Variants in UGT8 observed in about 807,000 individuals in gnomAD.
UGT8 encodes UDP glycosyltransferase 8.
Under a neutral mutation model 40.5 loss-of-function variants are expected in UGT8, and 12 were observed. The observed-to-expected ratio is 0.30, with a 90% CI of 0.19 to 0.48. The LOEUF (loss-of-function observed/expected upper bound fraction) is 0.48, where lower values mean the gene tolerates loss of function less well. Ranked by LOEUF, UGT8 falls within the 20% of genes least tolerant of loss-of-function variation. The pLI, the probability that UGT8 is intolerant of heterozygous loss-of-function variation, is 0.99. For synonymous variants in UGT8, 224 were observed against 240.4 expected (o/e 0.93, Z 0.63); for missense variants, 513 against 648.7 (o/e 0.79, Z 2.27).
intron 1 of UGT8, among the ~76,000 whole-genome samples, chr4:114,599,257 G>C (rs554650027): frequency 6.6e-6 from 1 of 152,270 alleles, no homozygotes; most frequent in East Asian, 1.9e-4. Context: ...CTGCCATATG[G>C]CATCCGTTCG....
chr4:114,642,360 G>A (rs1733278262), intron 2 of UGT8, among the ~76,000 whole-genome samples: 1 of 152,090 alleles, frequency 6.6e-6, no homozygotes, highest in South Asian at 2.1e-4. Flanking sequence ...TTTCTGCCAT[G>A]CTCAGCACAT....
intron 2 of UGT8, among the ~76,000 whole-genome samples, chr4:114,641,723 G>A (rs1733235798): frequency 6.6e-6 from 1 of 151,958 alleles, no homozygotes; most frequent in South Asian, 2.1e-4. Context: ...AAACGAGAGA[G>A]GAGAATGGAA....
intron 2 of UGT8, among the ~76,000 whole-genome samples, chr4:114,647,988 A>G (rs182528503): frequency 6.6e-6 from 1 of 152,160 alleles, no homozygotes; most frequent in African/African-American, 2.4e-5. Context: ...TTTTATGTTT[A>G]GTGGATGTCA....
chr4:114,650,827 T>G (rs868454383), intron 2 of UGT8, among the ~76,000 whole-genome samples: 1 of 152,112 alleles, frequency 6.6e-6, no homozygotes, highest in African/African-American at 2.4e-5. Context: ...CACTGATATA[T>G]TTCTTTCTTG....
intron 2 of UGT8, chr4:114,656,675 C>T: frequency 2.5e-6 from 1 of 401,410 alleles, no homozygotes; most frequent in Admixed American, 3.3e-5. Flanking sequence ...CAGGGGAGAA[C>T]AATAGAGGAG....
rs540417062 is a variant in UGT8 at position 114,623,929 on chromosome 4, A to G, written c.822+227A>G. 1.5e-5 allele frequency: 3 copies of G among 201,740 alleles called. 1 individual carries two copies. In the East Asian group the frequency reaches 5.6e-4, roughly 37 times the overall value. The allele number at this position is 201,740 out of a possible 1,614,324, so 12.5% of individuals were successfully genotyped here. On this transcript the variant is annotated intron_variant, in intron 2 of 5. Coordinates refer to ENST00000310836, the MANE Select transcript of UGT8 (RefSeq NM_001128174.3). ...GTAATACTGAAAAGACCACTATGCC[A>G]TATGGTCAATAGACTGCCTGGGAAG...
intron 1 of UGT8, among the ~76,000 whole-genome samples, chr4:114,604,827 AT>A (rs1730645062): frequency 6.6e-6 from 1 of 152,112 alleles, no homozygotes; most frequent in Non-Finnish European, 1.5e-5. Context: ...TGTAGTTTTA[AT>A]ATTTAATCAT....
chr4:114,652,356 T>C (rs1733937696), intron 2 of UGT8, among the ~76,000 whole-genome samples: 1 of 151,590 alleles, frequency 6.6e-6, no homozygotes, highest in Admixed American at 6.6e-5. Flanking sequence ...TGTCAGCTGG[T>C]AGTTGGACCA....
At chr4:114,609,361 A>G (rs1227935603) in intron 1 of UGT8, among the ~76,000 whole-genome samples, 1 of 152,236 alleles carries the variant, frequency 6.6e-6, no homozygotes, top group Non-Finnish European at 1.5e-5. Flanking sequence ...TTAATTTGCC[A>G]GTTTTAAATA....
chr4:114,649,811 T>A lies in UGT8; in HGVS notation c.823-14184T>A, dbSNP rs554367822. On this transcript the variant is annotated intron_variant, in intron 2 of 5. Coordinates refer to ENST00000310836, the MANE Select transcript of UGT8 (RefSeq NM_001128174.3). ...TCTACCTATGTTTGTTTTCTTATTT[T>A]AAAAAAAAACCCTTAAACTTTATGA... Among the ~76,000 whole-genome samples, 334 of 151,528 alleles carry A rather than the reference T, an allele frequency of 2.2e-3. 1 individual carries two copies. Among genetic ancestry groups the A allele is most frequent in the Non-Finnish European group, 3.3e-3 (227 of 67,860 alleles).
intron 2 of UGT8, among the ~76,000 whole-genome samples, chr4:114,624,643 G>A (rs983903498): frequency 1.3e-5 from 2 of 152,152 alleles, no homozygotes; most frequent in East Asian, 3.8e-4. Context: ...GGGCCTTGAT[G>A]AAGAGTAAAT....
intron 1 of UGT8, among the ~76,000 whole-genome samples, chr4:114,622,175 A>G (rs944150254): frequency 4.2e-5 from 6 of 142,676 alleles, no homozygotes; most frequent in African/African-American, 1.0e-4. Flanking sequence ...CCATTGTTCA[A>G]TTCCCACCTA....
intron 2 of UGT8, among the ~76,000 whole-genome samples, chr4:114,640,120 T>C (rs1733126094): frequency 6.8e-6 from 1 of 147,646 alleles, no homozygotes; most frequent in Non-Finnish European, 1.5e-5. Context: ...AAGCTCCGCC[T>C]CCCGGGTTCA....
intron 2 of UGT8, among the ~76,000 whole-genome samples, chr4:114,662,988 T>A (rs929867067): frequency 7.2e-5 from 11 of 151,768 alleles, no homozygotes; most frequent in African/African-American, 2.4e-4. Context: ...AGCTAATTTT[T>A]TTTTTTTTGT....
At chr4:114,640,074 A>G (rs1733120879) in intron 2 of UGT8, among the ~76,000 whole-genome samples, 1 of 139,734 alleles carries the variant, frequency 7.2e-6, no homozygotes. Flanking sequence ...TCTGTCGCCC[A>G]GGCTGGAGTG....
intron 1 of UGT8, among the ~76,000 whole-genome samples, chr4:114,618,779 T>C (rs1731591502): frequency 6.6e-6 from 1 of 152,224 alleles, no homozygotes; most frequent in Admixed American, 6.5e-5. Flanking sequence ...ACTGTGCTAT[T>C]CAATTTACTT....
At chr4:114,614,688 TATA>T (rs1731292267) in intron 1 of UGT8, among the ~76,000 whole-genome samples, 3 of 152,106 alleles carry the variant, frequency 2.0e-5, no homozygotes, top group Admixed American at 2.0e-4. Flanking sequence ...TACAAATAAA[TATA>T]ATTTTTCTGA....
At chr4:114,650,666 C>T (rs1298372619) in intron 2 of UGT8, among the ~76,000 whole-genome samples, 1 of 152,034 alleles carries the variant, frequency 6.6e-6, no homozygotes, top group African/African-American at 2.4e-5. Context: ...GACTTTTGGT[C>T]ATTGGTTTTT....
intron 2 of UGT8, among the ~76,000 whole-genome samples, chr4:114,636,580 C>G (rs1732899319): frequency 1.3e-5 from 2 of 152,170 alleles, no homozygotes. Flanking sequence ...TGATATTATC[C>G]TTTCACAGAA....
Sources: gnomAD v4.1 joint callset for allele counts (sites outside exome capture counted in the v4.1 genomes callset) on GRCh38, gnomAD v4.1.1 for gene constraint, MANE v1.5 for transcripts, NCBI Gene and HGNC (gene_info 2026-07-23, HGNC 2026-07-21) for gene names.